The following ADCY4 variants were observed in gnomAD, a reference collection of about 807,000 sequenced individuals.
ADCY4 encodes the protein adenylate cyclase type 4.
A neutral mutation model predicts 125.5 loss-of-function variants in ADCY4; 111 were observed. That is an observed-to-expected ratio of 0.88 (90% CI 0.76 to 1.04). The LOEUF is 1.04. Among genes scored for constraint, ADCY4 ranks in the 50% least tolerant of loss-of-function variants. The probability of loss-of-function intolerance (pLI) is 0.00; values close to 1 mark genes in which losing one functional copy is unlikely to be tolerated. For synonymous variants in ADCY4, 576 were observed against 586.9 expected (o/e 0.98, Z 0.27); for missense variants, 1,256 against 1,382.9 (o/e 0.91, Z 1.46).
At chr14:24,322,784 C>G (rs182515608) in intron 18 of ADCY4, 76 bp from the exon 19 acceptor site, 1 of 1,559,598 alleles carries the variant, frequency 6.4e-7, no homozygotes, top group Non-Finnish European at 8.7e-7. Context: ...TGTAGGCCTC[C>G]GCTTCCCTCC....
Position 24,331,870 on chromosome 14 carries a change from T to C in ADCY4, c.587A>G (p.Glu196Gly). 6.2e-7 allele frequency: 1 copy of C among 1,602,176 alleles called. No individual in the cohort carries two copies. The highest frequency in any genetic ancestry group is 8.5e-7 in the Non-Finnish European group (1 of 1,171,322). ...VAGVYHKALMERALRATFREA... is the reference protein window; with the variant it reads ...VAGVYHKALMGRALRATFREA... ...CCGGAACGTGGCCCGCAGGGCGCGC[T>C]CCATCAGCGCCTTGTGGTACACTCC... The change falls in exon 4 of 25, where the codon GAG becomes GGG. Residue 196 changes from glutamate (E) to glycine (G), a missense_variant. Coordinates refer to ENST00000418030, the MANE Select transcript of ADCY4 (RefSeq NM_001198568.2).
intron 3 of ADCY4, 63 bp from the exon 4 acceptor site, chr14:24,332,000 T>C (rs564005264): frequency 6.9e-7 from 1 of 1,446,528 alleles, no homozygotes; most frequent in Non-Finnish European, 9.2e-7. Flanking sequence ...GTAGTTGGAG[T>C]TGGTCTCAAA....
At chr14:24,322,041 C>G (rs780180802) in intron 20 of ADCY4, 25 bp downstream of exon 20, 6 of 1,594,870 alleles carry the variant, frequency 3.8e-6, no homozygotes, top group Non-Finnish European at 5.1e-6. Flanking sequence ...ATCCGTGGCT[C>G]AGGAGTCAGG....
Position 24,319,776 on chromosome 14 carries a change from C to G in ADCY4, c.2699G>C (p.Arg900Thr), listed in dbSNP as rs752030305. The change falls in exon 21 of 25, where the codon AGG becomes ACG. Residue 900 changes from arginine to threonine, a missense_variant. Coordinates refer to ENST00000418030, the MANE Select transcript of ADCY4 (RefSeq NM_001198568.2). This position sits in a 1 kb window ranked among gnomAD's most constrained non-coding sequence, Gnocchi z 4.5. ...ATCAGCAATTATCTCATTGAGCAGC[C>G]TCAGACACTCTAGGCCCTCATGATT... is the stretch of plus-strand genomic sequence containing the variant. ...NINHEGLECL[R>T]LLNEIIADFD... 4 of 1,614,164 alleles carry G rather than the reference C, an allele frequency of 2.5e-6. No individual in the cohort carries two copies. Among genetic ancestry groups the G allele is most frequent in the Non-Finnish European group, 3.4e-6 (4 of 1,180,032 alleles).
chr14:24,324,172 G>C lies in ADCY4; in HGVS notation c.1936C>G (p.Leu646Val). ...CCAGACAGTGCAGGCAGCCAGTGCAGCATCTTGGGGCCTTTCAGGACACAC... is the reference window on the plus strand; with the variant it reads ...CCAGACAGTGCAGGCAGCCAGTGCACCATCTTGGGGCCTTTCAGGACACAC... ...MRCVLKGPKM[L>V]HWLPALSGLV... The change falls in exon 16 of 25, where the codon CTG (leucine) becomes GTG (valine). Residue 646 changes from leucine (L) to valine (V), a missense_variant. By Grantham distance (32) the Leu-to-Val change is conservative. Coordinates refer to ENST00000418030, the MANE Select transcript of ADCY4 (RefSeq NM_001198568.2). The C allele has an allele frequency of 6.2e-7, 1 of 1,614,256 alleles. No homozygotes were observed. The highest frequency in any genetic ancestry group is 8.5e-7 in the Non-Finnish European group (1 of 1,180,038).
In ADCY4 at chr14:24,319,526, G is replaced by A. The variant is rs1051360015; in HGVS notation, c.2734-90C>T. On this transcript the variant is annotated intron_variant, in intron 21 of 24. Transcript: ENST00000418030. The surrounding 1 kb of genome is among the most constrained non-coding windows in gnomAD (Gnocchi z 4.5). Reference sequence around the variant, plus strand: ...CCAGCCCCAAGCCTTTGGAGTTAAAGGATCAGGCTGTGGGAGTGGAGATAG... The same window carrying A: ...CCAGCCCCAAGCCTTTGGAGTTAAAAGATCAGGCTGTGGGAGTGGAGATAG... 2 of 1,409,060 alleles carry A rather than the reference G, an allele frequency of 1.4e-6. No individual in the cohort carries two copies. Among genetic ancestry groups the A allele is most frequent in the Non-Finnish European group, 2.0e-6 (2 of 1,007,078 alleles). 87.3% of individuals were successfully genotyped at this position (1,409,060 alleles called of 1,614,324 possible). A position where few individuals can be genotyped will look rare whatever the true frequency, so the allele number is the denominator to read the frequency against.
rs371123690 is a variant in ADCY4 at position 24,330,315 on chromosome 14, T to A, written c.931-20A>T. 1 of 1,613,236 alleles carries A rather than the reference T, an allele frequency of 6.2e-7. No homozygotes were observed. The highest frequency in any genetic ancestry group is 1.3e-5 in the African/African-American group (1 of 74,992). ...ATGCTCCTGGGAGTGTGTATGTGGG[T>A]GTGCAGAGGAACCTGGTTAGAGGTC... On this transcript the variant is annotated intron_variant, in intron 6 of 24. Transcript: ENST00000418030.
intron 10 of ADCY4, among the ~76,000 whole-genome samples, chr14:24,327,100 T>C (rs1322421177): frequency 1.3e-5 from 2 of 152,002 alleles, no homozygotes; most frequent in Non-Finnish European, 1.5e-5. Flanking sequence ...TTTCGCCATG[T>C]TGGCCGGGCT....
chr14:24,330,363 AAAAGT>A (rs1313844626), intron 6 of ADCY4, 68 bp from the exon 7 acceptor site: 3 of 1,601,584 alleles, frequency 1.9e-6, no homozygotes, highest in Admixed American at 1.7e-5. Context: ...GGGAGTTGGG[AAAAGT>A]GGGCAGCGAG....
At position 24,332,886 on chromosome 14, in the gene ADCY4, A is replaced by G. The variant is rs1405494229; in HGVS notation, c.262T>C (p.Trp88Arg). ...LASREQRLQR[W>R]TRPLSGLVWV... Reference sequence around the variant, plus strand: ...ACCAAGCCGGACAGGGGACGCGTCCAGCGCTGCAGTCGCTGCTCCCGGGAA... The same window carrying G: ...ACCAAGCCGGACAGGGGACGCGTCCGGCGCTGCAGTCGCTGCTCCCGGGAA... The change falls in exon 2 of 25, where the codon TGG (tryptophan) becomes CGG (arginine). Residue 88 changes from tryptophan (W) to arginine (R), a missense_variant. Transcript: ENST00000418030. The G allele has an allele frequency of 6.2e-7, 1 of 1,606,026 alleles. No homozygotes were observed. Among genetic ancestry groups the G allele is most frequent in the Admixed American group, 1.7e-5 (1 of 59,754 alleles).
In ADCY4 at chr14:24,334,784, G is replaced by T; in HGVS notation, c.-132C>A. ...ACCACCCCGCGCCCCCAACCTCGTGGCAATCCCGTCTCCTTTTTCAGGCCC... is the reference window on the plus strand; with the variant it reads ...ACCACCCCGCGCCCCCAACCTCGTGTCAATCCCGTCTCCTTTTTCAGGCCC... On this transcript the variant is annotated 5_prime_UTR_variant, in exon 1 of 25. Transcript: ENST00000418030. 2.8e-6 allele frequency: 2 copies of T among 725,046 alleles called. No homozygotes were observed. The highest frequency in any genetic ancestry group is 4.3e-6 in the Non-Finnish European group (2 of 461,892). The allele number at this position is 725,046 out of a possible 1,614,324, so 44.9% of individuals were successfully genotyped here.
intron 16 of ADCY4, 54 bp from the exon 17 acceptor site, chr14:24,323,508 G>A: frequency 6.5e-7 from 1 of 1,545,556 alleles, no homozygotes; most frequent in Non-Finnish European, 8.7e-7. Flanking sequence ...GCACAGTGGT[G>A]GCTTGTGCTG....
chr14:24,332,255 C>G, intron 3 of ADCY4: 1 of 372,850 alleles, frequency 2.7e-6, no homozygotes, highest in Non-Finnish European at 4.6e-6. Context: ...TTTTTTTTTT[C>G]ATTCTCTGTC....
chr14:24,324,230 G>A (rs766266251), intron 15 of ADCY4, 31 bp from the exon 16 acceptor site: 16 of 1,613,982 alleles, frequency 9.9e-6, no homozygotes, highest in African/African-American at 6.7e-5. Flanking sequence ...TCTTAGCCAC[G>A]GGGCTGGGGC....
chr14:24,318,917 T>G, intron 23 of ADCY4, 139 bp from the exon 24 acceptor site: 2 of 1,428,942 alleles, frequency 1.4e-6, no homozygotes, highest in South Asian at 2.6e-5. Flanking sequence ...GAATGTAGCT[T>G]AAGAAAAAGA....
chr14:24,322,086 C>T lies in ADCY4; in HGVS notation c.2566G>A (p.Gly856Ser). 3 of 1,613,626 alleles carry T rather than the reference C, an allele frequency of 1.9e-6. No individual in the cohort carries two copies. Among genetic ancestry groups the T allele is most frequent in the Non-Finnish European group, 2.5e-6 (3 of 1,179,606 alleles). ...LPAHVAPQFI[G>S]QNRRNEDLYH... ...GTCACCTCGTTGCGCCGGTTCTGGC[C>T]AATGAACTGGGGGGCCACGTGTGCA... The change falls in exon 20 of 25, where the codon GGC (glycine) becomes AGC (serine). Residue 856 changes from glycine (G) to serine (S), a missense_variant. Gly to Ser is a moderately conservative substitution (Grantham distance 56). Coordinates refer to ENST00000418030, the MANE Select transcript of ADCY4 (RefSeq NM_001198568.2).
chr14:24,328,236 G>C (rs12878316), intron 10 of ADCY4, among the ~76,000 whole-genome samples: 2 of 51,904 alleles, frequency 3.9e-5, no homozygotes, highest in Non-Finnish European at 7.8e-5. Context: ...CGGGGTGGGG[G>C]GGGGGGTCTC....
In ADCY4 at chr14:24,319,411, C is replaced by G; in HGVS notation, c.2759G>C (p.Gly920Ala). ...DELLSKPKFS[G>A]VEKIKTIGST... Reference sequence around the variant, plus strand: ...GCCGATGGTCTTGATCTTCTCCACCCCACTGAACTTGGGCTTGGAGAGCAG... The same window carrying G: ...GCCGATGGTCTTGATCTTCTCCACCGCACTGAACTTGGGCTTGGAGAGCAG... The change falls in exon 22 of 25, where the codon GGG becomes GCG. Residue 920 changes from glycine to alanine, a missense_variant. Gly to Ala is a moderately conservative substitution (Grantham distance 60). Transcript: ENST00000418030. The surrounding 1 kb of genome is among the most constrained non-coding windows in gnomAD (Gnocchi z 4.5). 6.2e-7 allele frequency: 1 copy of G among 1,614,204 alleles called. No individual in the cohort carries two copies. Among genetic ancestry groups the G allele is most frequent in the Non-Finnish European group, 8.5e-7 (1 of 1,180,032 alleles).
chr14:24,334,229 G>A (rs1328529459), intron 1 of ADCY4, among the ~76,000 whole-genome samples: 2 of 152,120 alleles, frequency 1.3e-5, no homozygotes, highest in Admixed American at 1.3e-4. Flanking sequence ...TGGATTTATT[G>A]TAGAACCCGT....
Sources: allele counts gnomAD v4.1 joint callset (sites outside exome capture counted in the v4.1 genomes callset), GRCh38; gene constraint gnomAD v4.1.1; non-coding constraint Gnocchi (gnomAD v3.1); transcripts MANE v1.5; gene names NCBI Gene and HGNC (gene_info 2026-07-23, HGNC 2026-07-21).